The following UBE2R2 variants were observed in gnomAD, a reference collection of about 807,000 sequenced individuals.
UBE2R2 encodes the protein ubiquitin conjugating enzyme E2 R2, also known as ubiquitin-conjugating enzyme E2 R2.
Under a neutral mutation model 27.8 loss-of-function variants are expected in UBE2R2, and 1 was observed. The observed-to-expected ratio is 0.04, with a 90% CI of 0.01 to 0.17. UBE2R2 has a LOEUF of 0.17. UBE2R2 is among the 10% of genes least tolerant of loss of function. UBE2R2 has a pLI of 1.00. For missense variants in UBE2R2, 100 were observed against 291.0 expected (o/e 0.34, Z 4.78); for synonymous variants, 106 against 113.3 (o/e 0.94, Z 0.41).
chr9:33,850,578 C>T (rs560787876), intron 1 of UBE2R2, among the ~76,000 whole-genome samples: 3 of 152,226 alleles, frequency 2.0e-5, no homozygotes, highest in South Asian at 4.1e-4. Context: ...TCTAGCTTCC[C>T]GACTTCTGGC....
intron 1 of UBE2R2, among the ~76,000 whole-genome samples, chr9:33,825,815 A>G (rs956813001): frequency 6.6e-6 from 1 of 152,152 alleles, no homozygotes; most frequent in Non-Finnish European, 1.5e-5. Context: ...CTTCTTTTGA[A>G]CTGCTTCACA....
intron 2 of UBE2R2, among the ~76,000 whole-genome samples, chr9:33,892,479 T>G (rs921883396): frequency 6.6e-6 from 1 of 152,160 alleles, no homozygotes; most frequent in Non-Finnish European, 1.5e-5. Flanking sequence ...ATTATTTTAT[T>G]AATAGTGTGT....
intron 1 of UBE2R2, among the ~76,000 whole-genome samples, chr9:33,830,303 G>A (rs1037862303): frequency 3.3e-5 from 5 of 150,128 alleles, no homozygotes; most frequent in African/African-American, 1.2e-4. Context: ...GACTACAGGC[G>A]CATGCCACCA....
chr9:33,832,668 AAAAAG>A (rs1319211617), intron 1 of UBE2R2, among the ~76,000 whole-genome samples: 8 of 151,968 alleles, frequency 5.3e-5, no homozygotes, highest in African/African-American at 1.9e-4. Context: ...TAAAAAAAAA[AAAAAG>A]AAAGAAAGAA....
chr9:33,914,024 A>G (rs537484391), intron 4 of UBE2R2, among the ~76,000 whole-genome samples: 76 of 152,328 alleles, frequency 5.0e-4, no homozygotes, highest in Admixed American at 8.5e-4. Flanking sequence ...GTACTTCTAT[A>G]TATTTCTTAA....
chr9:33,867,662 C>T (rs370007843), intron 1 of UBE2R2, among the ~76,000 whole-genome samples: 2 of 152,186 alleles, frequency 1.3e-5, no homozygotes, highest in African/African-American at 4.8e-5. Context: ...TATTTACTGG[C>T]ATTTAGATAT....
chr9:33,819,933 G>A (rs1389963268), intron 1 of UBE2R2, among the ~76,000 whole-genome samples: 4 of 152,314 alleles, frequency 2.6e-5, no homozygotes, highest in African/African-American at 9.6e-5. Context: ...CACTGCGCCC[G>A]GCCATGATGC....
intron 1 of UBE2R2, among the ~76,000 whole-genome samples, chr9:33,826,849 G>T (rs1820325690): frequency 6.6e-6 from 1 of 152,196 alleles, no homozygotes; most frequent in Non-Finnish European, 1.5e-5. Context: ...TTGGGAGGCA[G>T]AGGTGGGCAG....
intron 1 of UBE2R2, among the ~76,000 whole-genome samples, chr9:33,819,928 C>G (rs1229318899): frequency 6.6e-6 from 1 of 152,214 alleles, no homozygotes; most frequent in Non-Finnish European, 1.5e-5. Flanking sequence ...TGAGCCACTG[C>G]GCCCGGCCAT....
chr9:33,903,492 T>C (rs1822289221), intron 3 of UBE2R2, among the ~76,000 whole-genome samples: 1 of 152,246 alleles, frequency 6.6e-6, no homozygotes, highest in South Asian at 2.1e-4. Flanking sequence ...ATTGCATTTT[T>C]ATGCTGCTTG....
chr9:33,842,656 T>C (rs551229501), intron 1 of UBE2R2, among the ~76,000 whole-genome samples: 1 of 152,304 alleles, frequency 6.6e-6, no homozygotes, highest in South Asian at 2.1e-4. Context: ...TGATTTTCAT[T>C]GTGATATTTA....
rs1269956328 is a variant in UBE2R2, at chr9:33,918,879, TC to T, written c.*1644del. 1 of 152,348 alleles carries T rather than the reference TC, an allele frequency of 6.6e-6. No individual in the cohort carries two copies. Among genetic ancestry groups the T allele is most frequent in the Admixed American group, 6.5e-5 (1 of 15,282 alleles). The allele number at this position is 152,348 out of a possible 1,614,324, so 9.4% of individuals were successfully genotyped here. On this transcript the variant is annotated 3_prime_UTR_variant, in exon 5 of 5. Transcript: ENST00000263228. ...GACGCTTACTTCCTTAGCTCCTCCT[TC>T]CATTCTGATCTCAGGGTTTTCACTC...
At chr9:33,877,609 G>A (rs10971759) in intron 1 of UBE2R2, among the ~76,000 whole-genome samples, 20,611 of 152,044 alleles carry the variant, frequency 0.14, 1,654 homozygotes, top group Middle Eastern at 0.23. Flanking sequence ...GATTTAAGTG[G>A]AATATAATTA....
At chr9:33,883,693 G>A (rs1458603001) in intron 1 of UBE2R2, among the ~76,000 whole-genome samples, 5 of 125,922 alleles carry the variant, frequency 4.0e-5, no homozygotes, top group Non-Finnish European at 7.9e-5. Flanking sequence ...CCAGCCTGGT[G>A]ACAGAGCAAG....
intron 2 of UBE2R2, among the ~76,000 whole-genome samples, chr9:33,893,416 A>C (rs1183341742): frequency 1.3e-5 from 2 of 152,182 alleles, no homozygotes; most frequent in Non-Finnish European, 2.9e-5. Flanking sequence ...TTCATGGCTG[A>C]AGAATATTGC....
chr9:33,822,585 G>T (rs772722346), intron 1 of UBE2R2, among the ~76,000 whole-genome samples: 2 of 127,870 alleles, frequency 1.6e-5, no homozygotes, highest in African/African-American at 3.1e-5. Flanking sequence ...TACCACACTC[G>T]TTTTAATTTA....
chr9:33,830,590 A>C (rs1820447505), intron 1 of UBE2R2, among the ~76,000 whole-genome samples: 1 of 149,328 alleles, frequency 6.7e-6, no homozygotes, highest in Non-Finnish European at 1.5e-5. Context: ...AACATCGTGA[A>C]ACCCCCGTCT....
intron 1 of UBE2R2, among the ~76,000 whole-genome samples, chr9:33,871,741 C>T (rs866527781): frequency 4.6e-5 from 7 of 152,306 alleles, no homozygotes; most frequent in East Asian, 3.9e-4. Context: ...GACGGAGTCT[C>T]GCTCTGTCGC....
chr9:33,890,891 A>G (rs1382540513), intron 2 of UBE2R2, among the ~76,000 whole-genome samples: 1 of 151,248 alleles, frequency 6.6e-6, no homozygotes, highest in Non-Finnish European at 1.5e-5. Context: ...ATCATAAGAA[A>G]CTCTTCTCAC....
Sources: gnomAD v4.1 joint callset for allele counts (sites outside exome capture counted in the v4.1 genomes callset) on GRCh38, gnomAD v4.1.1 for gene constraint, MANE v1.5 for transcripts, NCBI Gene and HGNC (gene_info 2026-07-23, HGNC 2026-07-21) for gene names.